LAMTOR3: variants seen among roughly 807,000 people sequenced by gnomAD.
The protein encoded by LAMTOR3 is late endosomal/lysosomal adaptor, MAPK and MTOR activator 3, also known as ragulator complex protein LAMTOR3.
Under a neutral mutation model 20.3 loss-of-function variants are expected in LAMTOR3, and 14 were observed. That is an observed-to-expected ratio of 0.69 (90% CI 0.46 to 1.08). The LOEUF is 1.08. Among genes scored for constraint, LAMTOR3 ranks in the 50% least tolerant of loss-of-function variants. The pLI is 0.00. For synonymous variants in LAMTOR3, 40 were observed against 49.4 expected, an observed-to-expected ratio of 0.81 and a Z score of 0.80; for missense variants, 125 against 143.7, an observed-to-expected ratio of 0.87 and a Z score of 0.67.
In LAMTOR3 at chr4:99,887,359, A is replaced by G. The variant is rs1053497852; in HGVS notation, c.45-5T>C. ...ATGGCATGGAGCCCTTCAACACTAG[A>G]AAAAGAAAATAGTTAAAATATAAAA... On this transcript the variant is annotated splice_region_variant and splice_polypyrimidine_tract_variant and intron_variant, in intron 3 of 6. Transcript: ENST00000499666. 6 of 1,383,346 alleles carry G rather than the reference A, an allele frequency of 4.3e-6. No homozygotes were observed. The highest frequency in any genetic ancestry group is 1.5e-5 in the African/African-American group (1 of 67,840). 85.7% of individuals were successfully genotyped at this position (1,383,346 alleles called of 1,614,324 possible).
At chr4:99,892,060 G>A in intron 2 of LAMTOR3, 26 bp from the exon 3 acceptor site, 1 of 1,556,652 alleles carries the variant, frequency 6.4e-7, no homozygotes, top group Non-Finnish European at 8.6e-7. Context: ...AAAAAATAAT[G>A]TTGTAATAAT....
chr4:99,886,736 G>A (rs1376930343), intron 4 of LAMTOR3, among the ~76,000 whole-genome samples: 1 of 152,022 alleles, frequency 6.6e-6, no homozygotes, highest in Non-Finnish European at 1.5e-5. Flanking sequence ...TTTAATCTTT[G>A]ATAAAGCCAC....
intron 1 of LAMTOR3, 85 bp from the exon 2 acceptor site, chr4:99,894,085 G>GT: frequency 1.1e-6 from 1 of 882,300 alleles, no homozygotes; most frequent in Non-Finnish European, 1.6e-6. Context: ...ATCAGCCCTG[G>GT]TCAGAACCAG....
Position 99,880,041 on chromosome 4 carries a change from A to C in LAMTOR3, c.*1953T>G, listed in dbSNP as rs140424357. 6.6e-6 allele frequency: 1 copy of C among 152,026 alleles called. No homozygotes were observed. Among genetic ancestry groups the C allele is most frequent in the Non-Finnish European group, 1.5e-5 (1 of 67,996 alleles). 9.4% of individuals were successfully genotyped at this position (152,026 alleles called of 1,614,324 possible). A position where few individuals can be genotyped will look rare whatever the true frequency, so the allele number is the denominator to read the frequency against. On this transcript the variant is annotated 3_prime_UTR_variant, in exon 7 of 7. Transcript: ENST00000499666. ...GTGGTCCTTCACTAACTGAAACATCATTATATGGTACATGGCTGTATTTAT... is the reference window on the plus strand; with the variant it reads ...GTGGTCCTTCACTAACTGAAACATCCTTATATGGTACATGGCTGTATTTAT...
At chr4:99,892,989 A>C (rs1578205377) in intron 2 of LAMTOR3, among the ~76,000 whole-genome samples, 1 of 151,944 alleles carries the variant, frequency 6.6e-6, no homozygotes, top group East Asian at 1.9e-4. Context: ...CCAGTGTTAC[A>C]GAATATAAAA....
chr4:99,882,974 T>C (rs753578659), intron 6 of LAMTOR3, among the ~76,000 whole-genome samples: 6 of 152,032 alleles, frequency 3.9e-5, no homozygotes, highest in Non-Finnish European at 4.4e-5. Context: ...CTCTGTCTTA[T>C]AGAATATAAA....
intron 3 of LAMTOR3, among the ~76,000 whole-genome samples, chr4:99,887,989 G>A (rs1724959689): frequency 1.3e-5 from 2 of 152,194 alleles, no homozygotes; most frequent in Admixed American, 6.5e-5. Flanking sequence ...AGACGTTATG[G>A]CACTAAGTGA....
At chr4:99,884,673 A>T (rs1175688692) in intron 5 of LAMTOR3, among the ~76,000 whole-genome samples, 1 of 152,172 alleles carries the variant, frequency 6.6e-6, no homozygotes, top group Non-Finnish European at 1.5e-5. Flanking sequence ...AACTTTTAAA[A>T]TAAAAGATGG....
At chr4:99,882,214 G>T in intron 6 of LAMTOR3, 147 bp from the exon 7 acceptor site, 1 of 592,132 alleles carries the variant, frequency 1.7e-6, no homozygotes, top group Non-Finnish European at 3.0e-6. Flanking sequence ...AATACAGGTT[G>T]AATATCCCTT....
chr4:99,884,053 TA>T lies in LAMTOR3; in HGVS notation c.301+8del. The T allele has an allele frequency of 6.3e-7, 1 of 1,581,976 alleles. No individual in the cohort carries two copies. The highest frequency in any genetic ancestry group is 8.7e-7 in the Non-Finnish European group (1 of 1,153,460). ...GGATTAAAGTGATATTTAAGGTCAT[TA>T]AACACACCTGTATTGGCACTGCTGC... On this transcript the variant is annotated splice_region_variant and intron_variant, in intron 6 of 6. Transcript: ENST00000499666.
chr4:99,888,509 T>C (rs1376258739), intron 3 of LAMTOR3, among the ~76,000 whole-genome samples: 3 of 152,234 alleles, frequency 2.0e-5, no homozygotes, highest in Admixed American at 1.3e-4. Context: ...AACCCTTTCA[T>C]TGTTAACATA....
intron 3 of LAMTOR3, among the ~76,000 whole-genome samples, chr4:99,890,729 G>A (rs1725006802): frequency 6.6e-6 from 1 of 151,826 alleles, no homozygotes; most frequent in African/African-American, 2.4e-5. Context: ...TCTTGGATAA[G>A]CACAACAACC....
At chr4:99,883,120 A>G (rs1724858707) in intron 6 of LAMTOR3, among the ~76,000 whole-genome samples, 1 of 152,074 alleles carries the variant, frequency 6.6e-6, no homozygotes, top group Non-Finnish European at 1.5e-5. Context: ...TATTTCCTAA[A>G]TATACTTAAA....
rs991486524 is a variant in LAMTOR3, at chr4:99,880,191, C to CA, written c.*1802dup. On this transcript the variant is annotated 3_prime_UTR_variant, in exon 7 of 7. Coordinates refer to ENST00000499666, the MANE Select transcript of LAMTOR3 (RefSeq NM_021970.4). Reference sequence around the variant, plus strand: ...CATCCTATGTATAGCTTTATCATAGCACTTTCTATACCTGCTTCCTTTACT... The same window carrying CA: ...CATCCTATGTATAGCTTTATCATAGCAACTTTCTATACCTGCTTCCTTTACT... 1 of 152,096 alleles carries CA rather than the reference C, an allele frequency of 6.6e-6. No homozygotes were observed. Among genetic ancestry groups the CA allele is most frequent in the African/African-American group, 2.4e-5 (1 of 41,384 alleles). The allele number at this position is 152,096 out of a possible 1,614,324, so 9.4% of individuals were successfully genotyped here.
chr4:99,882,638 AT>A (rs1724848586), intron 6 of LAMTOR3, among the ~76,000 whole-genome samples: 1 of 152,204 alleles, frequency 6.6e-6, no homozygotes, highest in Non-Finnish European at 1.5e-5. Flanking sequence ...GAAATAATAC[AT>A]ATGATTTTTA....
At chr4:99,885,942 A>T (rs1392381711) in intron 4 of LAMTOR3, among the ~76,000 whole-genome samples, 1 of 152,166 alleles carries the variant, frequency 6.6e-6, no homozygotes, top group Non-Finnish European at 1.5e-5. Context: ...CATTTTCTTG[A>T]TATCTAACTT....
rs968287297 is a variant in LAMTOR3 at position 99,892,049 on chromosome 4, T to TA, written c.10-16dup. ...CGCTTTAGGTCCTGAAAGAGAGCAT[T>TA]AAAAAATAATGTTGTAATAATAGGC... On this transcript the variant is annotated splice_polypyrimidine_tract_variant and intron_variant, in intron 2 of 6. Transcript: ENST00000499666. 1.9e-6 allele frequency: 3 copies of TA among 1,561,430 alleles called. No individual in the cohort carries two copies. In the African/African-American group the frequency reaches 4.2e-5, roughly 22 times the overall value.
intron 3 of LAMTOR3, among the ~76,000 whole-genome samples, chr4:99,888,203 A>T (rs1012919077): frequency 5.9e-5 from 9 of 152,212 alleles, no homozygotes; most frequent in African/African-American, 2.2e-4. Flanking sequence ...AAACCTTTAC[A>T]AGCCTCAGAT....
rs1406161707 is a variant in LAMTOR3 at position 99,881,055 on chromosome 4, T to A, written c.*939A>T. ...CTGCAATCTCAGGTTTCTTTTCCAGTTAACAGTTCATACTACCGTAAAACA... is the reference window on the plus strand; with the variant it reads ...CTGCAATCTCAGGTTTCTTTTCCAGATAACAGTTCATACTACCGTAAAACA... On this transcript the variant is annotated 3_prime_UTR_variant, in exon 7 of 7. Coordinates refer to ENST00000499666, the MANE Select transcript of LAMTOR3 (RefSeq NM_021970.4). 1.3e-5 allele frequency: 2 copies of A among 152,160 alleles called. No homozygotes were observed. The highest frequency in any genetic ancestry group is 1.5e-5 in the Non-Finnish European group (1 of 68,032). The allele number at this position is 152,160 out of a possible 1,614,324, so 9.4% of individuals were successfully genotyped here.
Sources: gnomAD v4.1 joint callset for allele counts (sites outside exome capture counted in the v4.1 genomes callset) on GRCh38, gnomAD v4.1.1 for gene constraint, MANE v1.5 for transcripts, NCBI Gene and HGNC (gene_info 2026-07-23, HGNC 2026-07-21) for gene names.